The following GOLM1 variants were observed in gnomAD, a reference collection of about 807,000 sequenced individuals.
GOLM1 encodes the protein golgi membrane protein 1.
Under a neutral mutation model 50.5 loss-of-function variants are expected in GOLM1, and 31 were observed. The observed-to-expected ratio is 0.61, with a 90% CI of 0.46 to 0.83. GOLM1 has a LOEUF of 0.83. Among genes scored for constraint, GOLM1 ranks in the 40% least tolerant of loss-of-function variants. The pLI is 0.00. For synonymous variants in GOLM1, 178 were observed against 192.8 expected (o/e 0.92, Z 0.64); for missense variants, 491 against 501.3 (o/e 0.98, Z 0.20).
In GOLM1 at chr9:86,087,596, T is replaced by C. The variant is rs746502358; in HGVS notation, c.-21-8255A>G. ...GTGGGTTTGTTGTAAATAGCTCTTATTATTTTGAGATACATTCCATCAATA... is the reference window on the plus strand; with the variant it reads ...GTGGGTTTGTTGTAAATAGCTCTTACTATTTTGAGATACATTCCATCAATA... On this transcript the variant is annotated intron_variant, in intron 1 of 9. Transcript: ENST00000388712. 3.2e-4 allele frequency among the ~76,000 whole-genome samples: 49 copies of C among 152,328 alleles called. 1 individual carries two copies. The highest frequency in any genetic ancestry group is 4.4e-5 in the Non-Finnish European group (3 of 68,028).
chr9:86,053,015 A>G (rs1587710994), intron 3 of GOLM1, among the ~76,000 whole-genome samples: 1 of 136,238 alleles, frequency 7.3e-6, no homozygotes, highest in East Asian at 2.3e-4. Flanking sequence ...CACACACACC[A>G]CTCCACACAA....
intron 6 of GOLM1, among the ~76,000 whole-genome samples, chr9:86,038,820 G>A (rs982526348): frequency 1.3e-5 from 2 of 152,024 alleles, no homozygotes; most frequent in Non-Finnish European, 2.9e-5. Flanking sequence ...AGGCTTAAAC[G>A]TAAGAACTAA....
Position 86,027,372 on chromosome 9 carries a change from C to T in GOLM1, c.*445G>A, listed in dbSNP as rs1411651923. 2.0e-6 allele frequency: 2 copies of T among 989,838 alleles called. No homozygotes were observed. Among genetic ancestry groups the T allele is most frequent in the East Asian group, 1.1e-4 (1 of 8,924 alleles). The allele number at this position is 989,838 out of a possible 1,614,324, so 61.3% of individuals were successfully genotyped here. A position where few individuals can be genotyped will look rare whatever the true frequency, so the allele number is the denominator to read the frequency against. On this transcript the variant is annotated 3_prime_UTR_variant, in exon 10 of 10. Coordinates refer to ENST00000388712, the MANE Select transcript of GOLM1 (RefSeq NM_016548.4). ...CATTAGCCAGACTTTTCAGTGAGAA[C>T]AGGTAACAGGCTGGCACCAGCACTT...
intron 1 of GOLM1, among the ~76,000 whole-genome samples, chr9:86,083,861 C>G (rs1041459092): frequency 6.6e-6 from 1 of 152,134 alleles, no homozygotes; most frequent in African/African-American, 2.4e-5. Context: ...GCAACAAAAC[C>G]TGAACTGAGA....
At chr9:86,085,057 AC>A (rs1429448575) in intron 1 of GOLM1, 1 of 136,242 alleles carries the variant, frequency 7.3e-6, no homozygotes, top group African/African-American at 3.5e-5. Flanking sequence ...AGAGAAACAA[AC>A]AAAAAGACAG....
Position 86,027,582 on chromosome 9 carries a change from A to C in GOLM1, c.*235T>G. 1 of 1,304,596 alleles carries C rather than the reference A, an allele frequency of 7.7e-7. No homozygotes were observed. The highest frequency in any genetic ancestry group is 9.7e-7 in the Non-Finnish European group (1 of 1,029,074). The allele number at this position is 1,304,596 out of a possible 1,614,324, so 80.8% of individuals were successfully genotyped here. A position where few individuals can be genotyped will look rare whatever the true frequency, so the allele number is the denominator to read the frequency against. On this transcript the variant is annotated 3_prime_UTR_variant, in exon 10 of 10. Transcript: ENST00000388712. The stretch of plus-strand genomic sequence containing the variant: ...TTTGGTGTTGAACTTCTCACGAAAT[A>C]CCTACTACCAAAAATTGTGACACCT...
intron 3 of GOLM1, among the ~76,000 whole-genome samples, chr9:86,055,221 A>G (rs1044954417): frequency 2.0e-5 from 3 of 152,220 alleles, no homozygotes; most frequent in Admixed American, 2.0e-4. Flanking sequence ...TATGGCGATA[A>G]TACCTGTAAA....
At position 86,026,657 on chromosome 9, in the gene GOLM1, A is replaced by G. The variant is rs1286694246; in HGVS notation, c.*1160T>C. ...TCAGTCATTAATGATGTGGCCAGTT[A>G]TTTGCAAGTGGTAAGAGCCTATTTA... On this transcript the variant is annotated 3_prime_UTR_variant, in exon 10 of 10. Coordinates refer to ENST00000388712, the MANE Select transcript of GOLM1 (RefSeq NM_016548.4). 2 of 984,626 alleles carry G rather than the reference A, an allele frequency of 2.0e-6. No individual in the cohort carries two copies. Among genetic ancestry groups the G allele is most frequent in the Non-Finnish European group, 2.4e-6 (2 of 829,328 alleles). 61.0% of individuals were successfully genotyped at this position (984,626 alleles called of 1,614,324 possible).
chr9:86,051,801 A>G (rs533953259), intron 4 of GOLM1, among the ~76,000 whole-genome samples: 3 of 152,238 alleles, frequency 2.0e-5, no homozygotes, highest in East Asian at 3.9e-4. Context: ...GGGTTACACA[A>G]ACACATTTCA....
intron 3 of GOLM1, among the ~76,000 whole-genome samples, chr9:86,053,452 A>C (rs2118739164): frequency 3.3e-5 from 3 of 91,886 alleles, no homozygotes; most frequent in South Asian, 4.3e-4. Context: ...TTCCATACCA[A>C]ACCACATCAC....
chr9:86,096,259 A>G (rs951266563), intron 1 of GOLM1, among the ~76,000 whole-genome samples: 4 of 151,502 alleles, frequency 2.6e-5, no homozygotes, highest in African/African-American at 9.7e-5. Context: ...TTCTGTATCC[A>G]TAAATAAAGT....
chr9:86,036,306 TCTGGAGAG>T, intron 7 of GOLM1, 34 bp downstream of exon 7: 1 of 1,607,086 alleles, frequency 6.2e-7, no homozygotes, highest in Non-Finnish European at 8.5e-7. Flanking sequence ...CTGATGGGGC[TCTGGAGAG>T]CTGGGAACAG....
At chr9:86,071,741 T>C (rs1178205403) in intron 3 of GOLM1, among the ~76,000 whole-genome samples, 1 of 152,106 alleles carries the variant, frequency 6.6e-6, no homozygotes, top group East Asian at 1.9e-4. Context: ...AACACTCTAA[T>C]ATTTTTAGTT....
At chr9:86,063,588 C>T (rs1278965352) in intron 3 of GOLM1, among the ~76,000 whole-genome samples, 2 of 152,198 alleles carry the variant, frequency 1.3e-5, no homozygotes, top group Non-Finnish European at 2.9e-5. Flanking sequence ...CTGCCAGAGA[C>T]GGTAAGTGAA....
At chr9:86,053,327 C>CTT (rs1833838012) in intron 3 of GOLM1, among the ~76,000 whole-genome samples, 1 of 125,830 alleles carries the variant, frequency 7.9e-6, no homozygotes, top group Non-Finnish European at 1.7e-5. Context: ...AGGCCACACA[C>CTT]CACACTACAC....
rs148113552 is a variant in GOLM1 at position 86,076,529 on chromosome 9, A to G, written c.309+883T>C. Among the ~76,000 whole-genome samples, 344 of 151,024 alleles carry G rather than the reference A, an allele frequency of 2.3e-3. 1 individual carries two copies. The highest frequency in any genetic ancestry group is 5.0e-3 in the Admixed American group (76 of 15,128). ...GACAGGAGATATTAGTAACTCACACAGTTACACAATTTAATAAAGAAAGTA... is the reference window on the plus strand; with the variant it reads ...GACAGGAGATATTAGTAACTCACACGGTTACACAATTTAATAAAGAAAGTA... On this transcript the variant is annotated intron_variant, in intron 3 of 9. Transcript: ENST00000388712.
intron 1 of GOLM1, among the ~76,000 whole-genome samples, chr9:86,082,365 G>A (rs1834811626): frequency 7.2e-6 from 1 of 139,574 alleles, no homozygotes; most frequent in Non-Finnish European, 1.5e-5. Context: ...CTCCACCACT[G>A]CATTTCTTTT....
Position 86,026,422 on chromosome 9 carries a change from C to T in GOLM1, c.*1395G>A, listed in dbSNP as rs1405396036. On this transcript the variant is annotated 3_prime_UTR_variant, in exon 10 of 10. Coordinates refer to ENST00000388712, the MANE Select transcript of GOLM1 (RefSeq NM_016548.4). ...TGGCAACGTGAATTGCAAACAGGGC[C>T]TGCTTCAGTGACTGTGTGCCTGTAG... is the stretch of plus-strand genomic sequence containing the variant. The T allele has an allele frequency of 1.0e-6, 1 of 985,246 alleles. No individual in the cohort carries two copies. 61.0% of individuals were successfully genotyped at this position (985,246 alleles called of 1,614,324 possible).
At chr9:86,056,800 A>G (rs1160969285) in intron 3 of GOLM1, among the ~76,000 whole-genome samples, 1 of 151,866 alleles carries the variant, frequency 6.6e-6, no homozygotes, top group South Asian at 2.1e-4. Context: ...CACTGCACCC[A>G]GCCAAAAAAA....
Sources: gnomAD v4.1 joint callset for allele counts (sites outside exome capture counted in the v4.1 genomes callset) on GRCh38, gnomAD v4.1.1 for gene constraint, MANE v1.5 for transcripts, NCBI Gene and HGNC (gene_info 2026-07-23, HGNC 2026-07-21) for gene names.